RXFP1: variants seen among roughly 807,000 people sequenced by gnomAD.
RXFP1 encodes the protein relaxin family peptide receptor 1.
A neutral mutation model predicts 89.8 loss-of-function variants in RXFP1; 73 were observed. The observed-to-expected ratio is 0.81, with a 90% CI of 0.67 to 0.99. The LOEUF (loss-of-function observed/expected upper bound fraction) is 0.99, where lower values mean the gene tolerates loss of function less well. Among genes scored for constraint, RXFP1 ranks in the 50% least tolerant of loss-of-function variants. The pLI is 0.00. For missense variants in RXFP1, 793 were observed against 895.5 expected (o/e 0.89, Z 1.46); for synonymous variants, 277 against 305.5 (o/e 0.91, Z 0.97).
Position 158,652,291 on chromosome 4 carries a change from A to C in RXFP1, c.*236A>C. On this transcript the variant is annotated 3_prime_UTR_variant, in exon 18 of 18. Transcript: ENST00000307765. ...TAAGAAATTAAGAGAAATCTACTTC[A>C]GTAACATTCATTCATTTTTCTAACA... 1 of 422,886 alleles carries C rather than the reference A, an allele frequency of 2.4e-6. No homozygotes were observed. The highest frequency in any genetic ancestry group is 4.2e-6 in the Non-Finnish European group (1 of 239,966). 26.2% of individuals were successfully genotyped at this position (422,886 alleles called of 1,614,324 possible).
chr4:158,569,742 G>T (rs1360899287), intron 1 of RXFP1, among the ~76,000 whole-genome samples: 6 of 152,114 alleles, frequency 3.9e-5, no homozygotes, highest in Admixed American at 1.3e-4. Context: ...GTAATTTTCA[G>T]CATCCCTAAC....
At chr4:158,643,468 G>GTTT (rs59869659) in intron 14 of RXFP1, among the ~76,000 whole-genome samples, 3,666 of 112,756 alleles carry the variant, frequency 0.033, 302 homozygotes, top group Middle Eastern at 0.058. Context: ...TCATATGCTA[G>GTTT]TTTTTTTTTT....
At chr4:158,634,772 A>G (rs147802789) in intron 12 of RXFP1, among the ~76,000 whole-genome samples, 350 of 152,246 alleles carry the variant, frequency 2.3e-3, no homozygotes, top group African/African-American at 8.1e-3. Context: ...TCTCAACACA[A>G]TTTATTGAAA....
At chr4:158,595,036 T>A (rs1223677358) in intron 3 of RXFP1, among the ~76,000 whole-genome samples, 1 of 152,236 alleles carries the variant, frequency 6.6e-6, no homozygotes, top group African/African-American at 2.4e-5. Flanking sequence ...CAATGTATTA[T>A]GTAGGCAATG....
intron 4 of RXFP1, 144 bp downstream of exon 4, chr4:158,599,575 T>C (rs1441999613): frequency 1.2e-5 from 8 of 647,486 alleles, no homozygotes; most frequent in Non-Finnish European, 1.8e-5. Flanking sequence ...TAATTACTGA[T>C]ATTTATTTTG....
intron 12 of RXFP1, 117 bp downstream of exon 12, chr4:158,633,593 A>C: frequency 1.7e-6 from 1 of 571,908 alleles, no homozygotes; most frequent in South Asian, 2.6e-5. Context: ...AGCATTAGCT[A>C]CATTCACATT....
At chr4:158,568,987 G>T (rs1418848313) in intron 1 of RXFP1, among the ~76,000 whole-genome samples, 1 of 152,126 alleles carries the variant, frequency 6.6e-6, no homozygotes, top group African/African-American at 2.4e-5. Flanking sequence ...TTACAAACTT[G>T]GTAAGGATAA....
At chr4:158,625,161 A>G (rs892087140) in intron 9 of RXFP1, among the ~76,000 whole-genome samples, 2 of 152,152 alleles carry the variant, frequency 1.3e-5, no homozygotes, top group Admixed American at 6.5e-5. Context: ...CACAGATAAC[A>G]TACATTATGA....
intron 4 of RXFP1, among the ~76,000 whole-genome samples, chr4:158,602,692 G>A (rs919255869): frequency 1.3e-5 from 2 of 152,152 alleles, no homozygotes; most frequent in East Asian, 3.8e-4. Context: ...TTAAAGGCAG[G>A]TATCCAACAT....
At chr4:158,574,897 AAAC>A (rs1052758279) in intron 2 of RXFP1, among the ~76,000 whole-genome samples, 30 of 152,318 alleles carry the variant, frequency 2.0e-4, no homozygotes, top group Non-Finnish European at 3.7e-4. Context: ...TATTTAAAAA[AAAC>A]AACGTCTTGT....
intron 2 of RXFP1, among the ~76,000 whole-genome samples, chr4:158,581,895 G>T (rs1190006905): frequency 6.6e-6 from 1 of 152,194 alleles, no homozygotes; most frequent in Non-Finnish European, 1.5e-5. Context: ...GAGGGCTCAG[G>T]CTGCTTCCAC....
At chr4:158,599,033 A>ATCT (rs1241080189) in intron 3 of RXFP1, among the ~76,000 whole-genome samples, 2 of 151,042 alleles carry the variant, frequency 1.3e-5, no homozygotes, top group East Asian at 2.0e-4. Flanking sequence ...GAATGAAATA[A>ATCT]GAGCAGATTA....
chr4:158,539,119 G>A (rs1002073096), intron 1 of RXFP1, among the ~76,000 whole-genome samples: 3 of 152,152 alleles, frequency 2.0e-5, no homozygotes, highest in African/African-American at 7.2e-5. Flanking sequence ...AGATGGCATC[G>A]TGGACAGAAA....
intron 1 of RXFP1, among the ~76,000 whole-genome samples, chr4:158,564,049 G>T (rs927902781): frequency 1.3e-5 from 2 of 151,238 alleles, no homozygotes; most frequent in African/African-American, 2.4e-5. Context: ...TTAATGTAAG[G>T]TCTGATCTTA....
At chr4:158,629,549 A>T (rs1767613172) in intron 11 of RXFP1, among the ~76,000 whole-genome samples, 1 of 152,176 alleles carries the variant, frequency 6.6e-6, no homozygotes, top group Admixed American at 6.5e-5. Context: ...AATAAAATAG[A>T]TGTAGAACAA....
rs138149574 is a variant in RXFP1 at position 158,524,973 on chromosome 4, C to G, written c.49+2948C>G. On this transcript the variant is annotated intron_variant, in intron 1 of 17. Coordinates refer to ENST00000307765, the MANE Select transcript of RXFP1 (RefSeq NM_021634.4). Reference sequence around the variant, plus strand: ...TTAGTAAGGTCTTCTCTTTCAGACTCCTAGAGACACTTACCAGGCTACCTG... The same window carrying G: ...TTAGTAAGGTCTTCTCTTTCAGACTGCTAGAGACACTTACCAGGCTACCTG... Among the ~76,000 whole-genome samples, 44 of 152,274 alleles carry G rather than the reference C, an allele frequency of 2.9e-4. 2 individuals are homozygous for G. In the East Asian group the frequency reaches 8.5e-3, roughly 29 times the overall value.
chr4:158,649,923 G>A (rs1772323189), intron 17 of RXFP1, among the ~76,000 whole-genome samples: 1 of 152,234 alleles, frequency 6.6e-6, no homozygotes, highest in Admixed American at 6.5e-5. Flanking sequence ...GGGACTCAAA[G>A]AGATATTTGT....
In RXFP1 at chr4:158,549,941, A is replaced by C. The variant is rs1270920541; in HGVS notation, c.50-22757A>C. ...GCAGTCTGCCCATTCTCAGATCTCCAGCTGCATGCTGGGAGAACCACTACT... is the reference window on the plus strand; with the variant it reads ...GCAGTCTGCCCATTCTCAGATCTCCCGCTGCATGCTGGGAGAACCACTACT... On this transcript the variant is annotated intron_variant, in intron 1 of 17. Coordinates refer to ENST00000307765, the MANE Select transcript of RXFP1 (RefSeq NM_021634.4). Among the ~76,000 whole-genome samples, 4 of 152,316 alleles carry C rather than the reference A, an allele frequency of 2.6e-5. No homozygotes were observed. In the South Asian group the frequency reaches 8.3e-4, roughly 32 times the overall value.
intron 1 of RXFP1, among the ~76,000 whole-genome samples, chr4:158,534,543 G>A (rs569283248): frequency 3.1e-4 from 47 of 152,152 alleles, no homozygotes; most frequent in African/African-American, 1.1e-3. Context: ...CACCGCGCCC[G>A]GCCTTATTCT....
Sources: allele counts gnomAD v4.1 joint callset (sites outside exome capture counted in the v4.1 genomes callset), GRCh38; gene constraint gnomAD v4.1.1; transcripts MANE v1.5; gene names NCBI Gene and HGNC (gene_info 2026-07-23, HGNC 2026-07-21).